ARHGEF10: variants seen among roughly 807,000 people sequenced by gnomAD.
ARHGEF10 encodes Rho guanine nucleotide exchange factor (GEF) 10.
Under a neutral mutation model 147.4 loss-of-function variants are expected in ARHGEF10, and 140 were observed. The ratio of observed to expected loss-of-function variants is 0.95; its 90% CI spans 0.83 to 1.09. The LOEUF is 1.09. ARHGEF10 is among the 50% of genes least tolerant of loss of function. The probability of loss-of-function intolerance (pLI) is 0.00; values close to 1 mark genes in which losing one functional copy is unlikely to be tolerated. For missense variants in ARHGEF10, 2,222 were observed against 1,752.7 expected, an observed-to-expected ratio of 1.27 and a Z score of -4.78; for synonymous variants, 902 against 695.8, an observed-to-expected ratio of 1.30 and a Z score of -4.67.
intron 26 of ARHGEF10, among the ~76,000 whole-genome samples, chr8:1,934,501 T>G (rs1360675322): frequency 6.6e-6 from 1 of 152,218 alleles, no homozygotes; most frequent in African/African-American, 2.4e-5. Flanking sequence ...AAACATTGCT[T>G]TAAGAAATGT....
intron 1 of ARHGEF10, among the ~76,000 whole-genome samples, chr8:1,842,282 C>G (rs1804155266): frequency 1.3e-5 from 2 of 152,128 alleles, no homozygotes; most frequent in Admixed American, 6.5e-5. Context: ...CACTGCCATC[C>G]TCATTGGAAA....
At chr8:1,873,104 A>G (rs1807272076) in intron 7 of ARHGEF10, among the ~76,000 whole-genome samples, 1 of 152,148 alleles carries the variant, frequency 6.6e-6, no homozygotes, top group Non-Finnish European at 1.5e-5. Context: ...TCCCCTTTGT[A>G]AGGACAGCAC....
At chr8:1,909,618 T>C (rs2129184143) in intron 18 of ARHGEF10, 148 bp downstream of exon 18, 1 of 1,161,298 alleles carries the variant, frequency 8.6e-7, no homozygotes, top group Admixed American at 2.0e-5. Context: ...CTCTAGAATC[T>C]GTATGCTGTC....
chr8:1,858,978 C>T (rs1238253139), intron 3 of ARHGEF10, among the ~76,000 whole-genome samples: 6 of 137,440 alleles, frequency 4.4e-5, no homozygotes, highest in Non-Finnish European at 9.6e-5. Context: ...ACCAGCCTCT[C>T]GGTTCTTTGC....
rs1298604897 is a variant in ARHGEF10 at position 1,858,209 on chromosome 8, C to A, written c.193+94C>A. 291 of 1,177,330 alleles carry A rather than the reference C, an allele frequency of 2.5e-4. No homozygotes were observed. In the African/African-American group the frequency reaches 4.1e-3, roughly 17 times the overall value. The allele number at this position is 1,177,330 out of a possible 1,614,324, so 72.9% of individuals were successfully genotyped here. A position where few individuals can be genotyped will look rare whatever the true frequency, so the allele number is the denominator to read the frequency against. On this transcript the variant is annotated intron_variant, in intron 3 of 28. Coordinates refer to ENST00000349830, the MANE Select transcript of ARHGEF10 (RefSeq NM_014629.4). ...CCATGTGAGTCACCAGGTGAGTTCC[C>A]AGGTGAGTCCCCAGGTGAGTCCCCA...
chr8:1,923,928 C>G, intron 21 of ARHGEF10, 54 bp downstream of exon 21: 1 of 1,540,284 alleles, frequency 6.5e-7, no homozygotes, highest in South Asian at 1.1e-5. Flanking sequence ...TGATGAATTC[C>G]TGCCCACGAG....
At chr8:1,936,357 A>G (rs1813604620) in intron 26 of ARHGEF10, among the ~76,000 whole-genome samples, 1 of 152,168 alleles carries the variant, frequency 6.6e-6, no homozygotes, top group Non-Finnish European at 1.5e-5. Flanking sequence ...TCTACAAAAA[A>G]TATATAAGTT....
intron 23 of ARHGEF10, 66 bp from the exon 24 acceptor site, chr8:1,928,361 G>T (rs1348752040): frequency 1.4e-6 from 2 of 1,473,928 alleles, no homozygotes; most frequent in African/African-American, 2.8e-5. Context: ...TAAGGGTCAG[G>T]TTCCAGCGTA....
At chr8:1,861,010 C>A (rs1806084246) in intron 4 of ARHGEF10, among the ~76,000 whole-genome samples, 1 of 152,188 alleles carries the variant, frequency 6.6e-6, no homozygotes, top group African/African-American at 2.4e-5. Flanking sequence ...TGGGGCAGCA[C>A]AAAGGGCTCA....
intron 22 of ARHGEF10, 99 bp from the exon 23 acceptor site, chr8:1,926,278 T>C: frequency 2.1e-6 from 2 of 967,446 alleles, no homozygotes. Context: ...ATTTCTGTGT[T>C]TATACATTGG....
At chr8:1,849,088 G>A (rs1490140831) in intron 2 of ARHGEF10, among the ~76,000 whole-genome samples, 5 of 152,124 alleles carry the variant, frequency 3.3e-5, no homozygotes, top group African/African-American at 7.2e-5. Context: ...TCCCCACCCC[G>A]GGCAGAGGGT....
At chr8:1,850,018 C>G (rs1322430849) in intron 2 of ARHGEF10, among the ~76,000 whole-genome samples, 57 of 41,798 alleles carry the variant, frequency 1.4e-3, no homozygotes, top group African/African-American at 1.4e-3. Flanking sequence ...AGGGCGTGGG[C>G]CGGCTGCATG....
intron 17 of ARHGEF10, 53 bp downstream of exon 17, chr8:1,905,769 G>A: frequency 6.2e-7 from 1 of 1,603,894 alleles, no homozygotes; most frequent in Non-Finnish European, 8.5e-7. Context: ...TGTTACCTTT[G>A]CCTAAGGGCA....
At chr8:1,844,425 C>T (rs1804360490) in intron 2 of ARHGEF10, among the ~76,000 whole-genome samples, 3 of 151,974 alleles carry the variant, frequency 2.0e-5, no homozygotes, top group South Asian at 2.1e-4. Context: ...CCAGGGGTCA[C>T]CGGGGCCTGC....
intron 2 of ARHGEF10, among the ~76,000 whole-genome samples, chr8:1,844,312 T>G (rs1157786196): frequency 1.1e-5 from 1 of 93,992 alleles, no homozygotes. Flanking sequence ...AGCCTGGAAG[T>G]CAGGCTGTTC....
At chr8:1,903,629 G>GC in intron 16 of ARHGEF10, 178 bp downstream of exon 16, 1 of 727,378 alleles carries the variant, frequency 1.4e-6, no homozygotes, top group South Asian at 1.8e-5. Context: ...GAAATTGTAT[G>GC]TAAAACCTTA....
intron 28 of ARHGEF10, among the ~76,000 whole-genome samples, chr8:1,955,651 C>G (rs1367033101): frequency 1.3e-5 from 2 of 152,088 alleles, no homozygotes; most frequent in Admixed American, 6.5e-5. Flanking sequence ...GAGGTGCACT[C>G]TCACTGTTTC....
intron 1 of ARHGEF10, among the ~76,000 whole-genome samples, chr8:1,834,346 A>C (rs1215646599): frequency 1.3e-5 from 2 of 152,174 alleles, no homozygotes; most frequent in African/African-American, 4.8e-5. Context: ...GGAGGGGAGA[A>C]GATCCCACGG....
intron 15 of ARHGEF10, among the ~76,000 whole-genome samples, chr8:1,899,784 C>T (rs574109000): frequency 3.3e-5 from 5 of 152,208 alleles, no homozygotes; most frequent in Non-Finnish European, 5.9e-5. Flanking sequence ...ACGTGCGAGA[C>T]GCTGTTGGCT....
Sources: gnomAD v4.1 joint callset for allele counts (sites outside exome capture counted in the v4.1 genomes callset) on GRCh38, gnomAD v4.1.1 for gene constraint, MANE v1.5 for transcripts, NCBI Gene and HGNC (gene_info 2026-07-23, HGNC 2026-07-21) for gene names.